ZNF536: variants seen among roughly 807,000 people sequenced by gnomAD.
The protein encoded by ZNF536 is zinc finger protein 536.
In ZNF536, 13 loss-of-function variants were observed where a neutral mutation model predicts 84.5. That is an observed-to-expected ratio of 0.15 (90% CI 0.10 to 0.24). The LOEUF is 0.24. Ranked by LOEUF, ZNF536 falls within the 10% of genes least tolerant of loss-of-function variation. The pLI is 1.00. For missense variants in ZNF536, 1,536 were observed against 1,747.5 expected (o/e 0.88, Z 2.16); for synonymous variants, 811 against 742.5 (o/e 1.09, Z -1.50).
At chr19:30,298,660 C>G (rs959202831) in intron 2 of ZNF536, among the ~76,000 whole-genome samples, 2 of 152,232 alleles carry the variant, frequency 1.3e-5, no homozygotes, top group Admixed American at 6.5e-5. Context: ...CTGGGAGAAT[C>G]TGTTTCAGGT....
At chr19:30,294,786 G>A (rs908131795) in intron 2 of ZNF536, among the ~76,000 whole-genome samples, 9 of 152,242 alleles carry the variant, frequency 5.9e-5, no homozygotes, top group African/African-American at 7.2e-5. Flanking sequence ...TAGGTGGGGC[G>A]CACTCCTCCC....
chr19:30,349,655 G>T (rs1261100624), intron 2 of ZNF536, among the ~76,000 whole-genome samples: 3 of 152,028 alleles, frequency 2.0e-5, no homozygotes, highest in East Asian at 1.9e-4. Context: ...CCTCTCCTTG[G>T]GGTCTGTGCT....
chr19:30,672,902 A>C (rs2050610509), intron 1 of ZNF536, among the ~76,000 whole-genome samples: 5 of 152,138 alleles, frequency 3.3e-5, no homozygotes. Flanking sequence ...TATGTGGACA[A>C]CCTCAAGAAA....
chr19:30,414,093 C>CA (rs55650802), intron 1 of ZNF536, among the ~76,000 whole-genome samples: 6,334 of 82,896 alleles, frequency 0.076, 722 homozygotes, highest in African/African-American at 0.21. Context: ...GACTCTGTCT[C>CA]AAAAAAAAAA....
Position 30,635,067 on chromosome 19 carries a change from GGT to G in ZNF536, c.170-75667_170-75666del, listed in dbSNP as rs10693532. On this transcript the variant is annotated intron_variant, in intron 1 of 1. Coordinates refer to the ZNF536 transcript ENST00000592773. ...AACAGGCTGGGAGAGAAGAAAGCTG[GGT>G]GTGTGTGTGTGTGTGTGTGTGTATG... Among the ~76,000 whole-genome samples, 585 of 150,270 alleles carry G rather than the reference GGT, an allele frequency of 3.9e-3. 1 individual carries two copies. The highest frequency in any genetic ancestry group is 7.9e-3 in the African/African-American group (325 of 40,986).
chr19:30,458,455 T>G (rs894240020), intron 2 of ZNF536, among the ~76,000 whole-genome samples: 72 of 144,832 alleles, frequency 5.0e-4, no homozygotes, highest in African/African-American at 1.9e-3. Flanking sequence ...CTGTTTTTTT[T>G]TTTTTTTTTT....
chr19:30,560,587 C>G (rs1022437601), downstream of ZNF536, among the ~76,000 whole-genome samples: 1 of 152,302 alleles, frequency 6.6e-6, no homozygotes, highest in Non-Finnish European at 1.5e-5. Flanking sequence ...AGACCACCCC[C>G]CCGCCCCATT....
chr19:30,493,095 T>C (rs923404634), intron 2 of ZNF536, among the ~76,000 whole-genome samples: 1 of 145,118 alleles, frequency 6.9e-6, no homozygotes, highest in Non-Finnish European at 1.5e-5. Flanking sequence ...CTCACTTTTT[T>C]TTTTTTTTTT....
In ZNF536 at chr19:30,444,811, G is replaced by A. The variant is rs1433897311; in HGVS notation, c.1249G>A (p.Gly417Ser). 3 of 1,613,740 alleles carry A rather than the reference G, an allele frequency of 1.9e-6. No individual in the cohort carries two copies. Among genetic ancestry groups the A allele is most frequent in the Middle Eastern group, 1.6e-4 (1 of 6,084 alleles). Reference sequence around the variant, plus strand: ...CCCCGAGGTGCCTGTGCCCATGGGCGGCATGTCCCAGGAGGCCCACGCCAA... The same window carrying A: ...CCCCGAGGTGCCTGTGCCCATGGGCAGCATGTCCCAGGAGGCCCACGCCAA... The part of the protein sequence containing the change: ...SDPEVPVPMG[G>S]MSQEAHANLY... The change falls in exon 2 of 5, where the codon GGC (glycine) becomes AGC (serine). Residue 417 changes from glycine (G) to serine (S), a missense_variant. By Grantham distance (56) the Gly-to-Ser change is moderately conservative. Coordinates refer to ENST00000355537, the MANE Select transcript of ZNF536 (RefSeq NM_014717.3).
chr19:30,684,293 C>T (rs2051088499), intron 1 of ZNF536, among the ~76,000 whole-genome samples: 1 of 152,106 alleles, frequency 6.6e-6, no homozygotes, highest in Non-Finnish European at 1.5e-5. Flanking sequence ...TGCCACAATG[C>T]CTGGCTAATT....
rs960894302 is a variant in ZNF536 at position 30,557,341 on chromosome 19, T to C, written c.*177T>C. On this transcript the variant is annotated 3_prime_UTR_variant, in exon 5 of 5. Coordinates refer to ENST00000355537, the MANE Select transcript of ZNF536 (RefSeq NM_014717.3). ...ACACACGGTGCACCAATCTACAGTA[T>C]ATATAGCAGAGAATCAGAGGCTAAA... The C allele has an allele frequency of 1.2e-5, 7 of 593,338 alleles. No individual in the cohort carries two copies. The highest frequency in any genetic ancestry group is 8.5e-5 in the East Asian group (3 of 35,164). The allele number at this position is 593,338 out of a possible 1,614,324, so 36.8% of individuals were successfully genotyped here. A position where few individuals can be genotyped will look rare whatever the true frequency, so the allele number is the denominator to read the frequency against.
chr19:30,591,172 T>C (rs1017053022), intron 1 of ZNF536, among the ~76,000 whole-genome samples: 1 of 152,196 alleles, frequency 6.6e-6, no homozygotes, highest in Non-Finnish European at 1.5e-5. Context: ...AAGTGGCCAT[T>C]TTTCTTATAT....
intron 2 of ZNF536, among the ~76,000 whole-genome samples, chr19:30,343,414 T>A (rs991701966): frequency 5.9e-5 from 9 of 152,176 alleles, no homozygotes; most frequent in Non-Finnish European, 1.0e-4. Flanking sequence ...GTATCACAAG[T>A]GCTACTTACT....
Position 30,626,246 on chromosome 19 carries a change from C to T in ZNF536, c.169+76732C>T, listed in dbSNP as rs58016273. On this transcript the variant is annotated intron_variant, in intron 1 of 1. Transcript: ENST00000592773. The stretch of plus-strand genomic sequence containing the variant: ...GAGGGGATAAATCCCACGTCTCTGC[C>T]GATGGCCAGGGGATGCGTCTTTAAG... Among the ~76,000 whole-genome samples, 76 of 152,280 alleles carry T rather than the reference C, an allele frequency of 5.0e-4. No individual in the cohort carries two copies. In the East Asian group the frequency reaches 0.012, roughly 24 times the overall value.
intron 1 of ZNF536, among the ~76,000 whole-genome samples, chr19:30,388,248 G>A (rs1306436691): frequency 1.3e-5 from 2 of 152,178 alleles, no homozygotes; most frequent in Non-Finnish European, 2.9e-5. Flanking sequence ...CTGGGACCTC[G>A]GTCAAAGTAT....
chr19:30,495,107 G>A (rs758248180), intron 2 of ZNF536, among the ~76,000 whole-genome samples: 3 of 152,194 alleles, frequency 2.0e-5, no homozygotes, highest in Admixed American at 6.5e-5. Flanking sequence ...CACTATTGCT[G>A]TGGTATTGGG....
chr19:30,489,640 A>C (rs1006257672), intron 2 of ZNF536, among the ~76,000 whole-genome samples: 3 of 152,172 alleles, frequency 2.0e-5, no homozygotes, highest in African/African-American at 7.2e-5. Flanking sequence ...TATAATGTTG[A>C]GAAAAAATAA....
intron 2 of ZNF536, among the ~76,000 whole-genome samples, chr19:30,446,574 A>G (rs1179592051): frequency 6.6e-6 from 1 of 152,052 alleles, no homozygotes; most frequent in Non-Finnish European, 1.5e-5. Flanking sequence ...GCCCCTTCCA[A>G]AATTACAACG....
At chr19:30,456,469 G>A (rs2052850908) in intron 2 of ZNF536, among the ~76,000 whole-genome samples, 1 of 152,026 alleles carries the variant, frequency 6.6e-6, no homozygotes, top group Non-Finnish European at 1.5e-5. Context: ...GTCCGAGGTG[G>A]CAGAGCTAAA....
Sources: gnomAD v4.1 joint callset for allele counts (sites outside exome capture counted in the v4.1 genomes callset) on GRCh38, gnomAD v4.1.1 for gene constraint, MANE v1.5 for transcripts, NCBI Gene and HGNC (gene_info 2026-07-23, HGNC 2026-07-21) for gene names.